The following AKT2 variants were observed in gnomAD, a reference collection of about 807,000 sequenced individuals.
AKT2 encodes the protein RAC-beta serine/threonine-protein kinase.
A neutral mutation model predicts 58.6 loss-of-function variants in AKT2; 16 were observed. That is an observed-to-expected ratio of 0.27 (90% confidence interval 0.18 to 0.41). AKT2 has a LOEUF of 0.41. AKT2 is among the 10% of genes least tolerant of loss of function. AKT2 has a pLI of 1.00. For synonymous variants in AKT2, 253 were observed against 254.0 expected (o/e 1.00, Z 0.04); for missense variants, 438 against 661.0 (o/e 0.66, Z 3.70).
Position 40,233,590 on chromosome 19 carries a change from G to A in AKT2, c.*282C>T. ...TGCTTCACCCCTCACTGGGGCTTGT[G>A]TGGATTAAAACCTGAATCTCCAACC... is the stretch of plus-strand genomic sequence containing the variant. On this transcript the variant is annotated 3_prime_UTR_variant, in exon 14 of 14. Coordinates refer to ENST00000392038, the MANE Select transcript of AKT2 (RefSeq NM_001626.6). The surrounding 1 kb of genome is among the most constrained non-coding windows in gnomAD (Gnocchi z 4.3). 1.4e-6 allele frequency: 1 copy of A among 715,018 alleles called. No homozygotes were observed. The highest frequency in any genetic ancestry group is 2.6e-6 in the Non-Finnish European group (1 of 384,908). 44.3% of individuals were successfully genotyped at this position (715,018 alleles called of 1,614,324 possible).
At chr19:40,269,651 A>G (rs1326896013) in intron 1 of AKT2, 1 of 152,254 alleles carries the variant, frequency 6.6e-6, no homozygotes, top group Non-Finnish European at 1.5e-5. Flanking sequence ...TGTTGACAGC[A>G]GCAATATTCA....
At chr19:40,253,260 G>A (rs568743171) in intron 4 of AKT2, among the ~76,000 whole-genome samples, 39 of 152,320 alleles carry the variant, frequency 2.6e-4, no homozygotes, top group South Asian at 1.0e-3. Flanking sequence ...TTTCTTGGAC[G>A]GCATGATTTT....
In AKT2 at chr19:40,232,403, GA is replaced by G. The variant is rs1225225221; in HGVS notation, c.*1468del. 1.7e-5 allele frequency: 4 copies of G among 233,648 alleles called. No individual in the cohort carries two copies. Among genetic ancestry groups the G allele is most frequent in the Non-Finnish European group, 2.5e-5 (3 of 118,180 alleles). The allele number at this position is 233,648 out of a possible 1,614,324, so 14.5% of individuals were successfully genotyped here. A position where few individuals can be genotyped will look rare whatever the true frequency, so the allele number is the denominator to read the frequency against. On this transcript the variant is annotated 3_prime_UTR_variant, in exon 14 of 14. Transcript: ENST00000392038. ...ACGAGGAGAAAGGCCAGTAGGGACG[GA>G]GAACTGTCAGATAACAACATCGCAC...
rs1309094134 is a variant in AKT2, at chr19:40,237,767, G to A, written c.831+202C>T. 1 of 720,522 alleles carries A rather than the reference G, an allele frequency of 1.4e-6. No homozygotes were observed. Among genetic ancestry groups the A allele is most frequent in the Non-Finnish European group, 2.2e-6 (1 of 444,962 alleles). The allele number at this position is 720,522 out of a possible 1,614,324, so 44.6% of individuals were successfully genotyped here. ...AACTTGCCACAGAGCCACCACCCTGGACCTTGGTGGGGAGCCTGGTGAATG... is the reference window on the plus strand; with the variant it reads ...AACTTGCCACAGAGCCACCACCCTGAACCTTGGTGGGGAGCCTGGTGAATG... On this transcript the variant is annotated intron_variant, in intron 9 of 13. Coordinates refer to ENST00000392038, the MANE Select transcript of AKT2 (RefSeq NM_001626.6). This position sits in a 1 kb window ranked among gnomAD's most constrained non-coding sequence, Gnocchi z 4.5.
intron 2 of AKT2, among the ~76,000 whole-genome samples, chr19:40,258,245 G>GAAAAAAAAAAAAA (rs56202522): frequency 3.2e-4 from 13 of 41,076 alleles, no homozygotes; most frequent in Non-Finnish European, 4.4e-4. Context: ...ACTCCGTCTC[G>GAAAAAAAAAAAAA]AAAAAAAAAA....
rs1249697771 is a variant in AKT2 at position 40,237,637 on chromosome 19, T to TA, written c.831+331dup. 1 of 289,116 alleles carries TA rather than the reference T, an allele frequency of 3.5e-6. No homozygotes were observed. The highest frequency in any genetic ancestry group is 6.8e-6 in the Non-Finnish European group (1 of 146,096). The allele number at this position is 289,116 out of a possible 1,614,324, so 17.9% of individuals were successfully genotyped here. ...TCAACAGAGTAAGACTCCTCAAAAA[T>TA]AAATAAATAAATAAATACAAATAAA... is the stretch of plus-strand genomic sequence containing the variant. On this transcript the variant is annotated intron_variant, in intron 9 of 13. Coordinates refer to ENST00000392038, the MANE Select transcript of AKT2 (RefSeq NM_001626.6). This position sits in a 1 kb window ranked among gnomAD's most constrained non-coding sequence, Gnocchi z 4.5.
intron 2 of AKT2, among the ~76,000 whole-genome samples, chr19:40,258,083 C>T (rs563712588): frequency 1.3e-5 from 2 of 151,640 alleles, no homozygotes; most frequent in African/African-American, 4.8e-5. Context: ...CCCATCTCTA[C>T]TAAAAATACA....
In AKT2 at chr19:40,242,359, C is replaced by A; in HGVS notation, c.441+175G>T. ...CCACCCAAGGTTGCTCCCTCCCCTA[C>A]GGGCATGGAGCACACCCTAGGGCAC... On this transcript the variant is annotated intron_variant, in intron 5 of 13. Coordinates refer to ENST00000392038, the MANE Select transcript of AKT2 (RefSeq NM_001626.6). The surrounding 1 kb of genome is among the most constrained non-coding windows in gnomAD (Gnocchi z 4.3). 1 of 1,071,920 alleles carries A rather than the reference C, an allele frequency of 9.3e-7. No homozygotes were observed. The allele number at this position is 1,071,920 out of a possible 1,614,324, so 66.4% of individuals were successfully genotyped here.
chr19:40,260,938 G>A (rs998649249), intron 2 of AKT2, among the ~76,000 whole-genome samples: 1 of 152,208 alleles, frequency 6.6e-6, no homozygotes, highest in Non-Finnish European at 1.5e-5. Context: ...CTGGGCGATA[G>A]CCCAAGACCC....
intron 4 of AKT2, among the ~76,000 whole-genome samples, chr19:40,246,704 A>G (rs1479677627): frequency 1.3e-5 from 2 of 152,194 alleles, no homozygotes; most frequent in South Asian, 2.1e-4. Context: ...CTCTGTGGAG[A>G]GAACCCAAAT....
intron 4 of AKT2, among the ~76,000 whole-genome samples, chr19:40,244,841 C>G (rs1390645365): frequency 6.6e-6 from 1 of 152,250 alleles, no homozygotes; most frequent in East Asian, 1.9e-4. Context: ...ACAAGTGTGG[C>G]TGGGACTGGG....
intron 4 of AKT2, chr19:40,244,226 T>A (rs1310111019): frequency 6.6e-6 from 1 of 151,914 alleles, no homozygotes; most frequent in Non-Finnish European, 1.5e-5. Context: ...GACGATGGCT[T>A]GCATCCGGAA....
intron 1 of AKT2, chr19:40,283,185 C>T (rs2077454332): frequency 6.6e-6 from 1 of 152,470 alleles, no homozygotes; most frequent in African/African-American, 2.4e-5. Flanking sequence ...GTTTTCTCAT[C>T]TAAAAGGGAG....
chr19:40,253,284 G>A (rs1009895018), intron 4 of AKT2, among the ~76,000 whole-genome samples: 1 of 152,150 alleles, frequency 6.6e-6, no homozygotes, highest in Non-Finnish European at 1.5e-5. Context: ...GCTCTCTAGA[G>A]GGTCTGCTGA....
chr19:40,242,786 G>T lies in AKT2; in HGVS notation c.288-99C>A. The T allele has an allele frequency of 7.5e-7, 1 of 1,328,334 alleles. No individual in the cohort carries two copies. Among genetic ancestry groups the T allele is most frequent in the South Asian group, 1.2e-5 (1 of 81,810 alleles). 82.3% of individuals were successfully genotyped at this position (1,328,334 alleles called of 1,614,324 possible). A position where few individuals can be genotyped will look rare whatever the true frequency, so the allele number is the denominator to read the frequency against. ...CCCAGCCACCCCCAGCAACAGGCAA[G>T]CAAATGACCACATAACCATGGGAAT... On this transcript the variant is annotated intron_variant, in intron 4 of 13. Transcript: ENST00000392038. This position sits in a 1 kb window ranked among gnomAD's most constrained non-coding sequence, Gnocchi z 4.3.
intron 3 of AKT2, 172 bp from the exon 4 acceptor site, chr19:40,255,441 G>A: frequency 1.8e-6 from 1 of 570,140 alleles, no homozygotes; most frequent in Non-Finnish European, 3.2e-6. Flanking sequence ...AGGGTCTAGT[G>A]TGTGTGTGTG....
rs559055249 is a variant in AKT2, at chr19:40,245,191, T to C, written c.288-2504A>G. Among the ~76,000 whole-genome samples the C allele has an allele frequency of 7.9e-5, 12 of 152,106 alleles. No homozygotes were observed. The South Asian group carries it at 8.3e-4, about 11-fold the overall frequency. Reference sequence around the variant, plus strand: ...AGACATTCTGCAGCTGGGGGAAAGATTGAGGCAGGTCTGTATGCTGACTTG... The same window carrying C: ...AGACATTCTGCAGCTGGGGGAAAGACTGAGGCAGGTCTGTATGCTGACTTG... On this transcript the variant is annotated intron_variant, in intron 4 of 13. Coordinates refer to ENST00000392038, the MANE Select transcript of AKT2 (RefSeq NM_001626.6).
In AKT2 at chr19:40,242,354, C is replaced by A; in HGVS notation, c.441+180G>T. 9.5e-7 allele frequency: 1 copy of A among 1,052,880 alleles called. No homozygotes were observed. The highest frequency in any genetic ancestry group is 1.4e-6 in the Non-Finnish European group (1 of 700,964). 65.2% of individuals were successfully genotyped at this position (1,052,880 alleles called of 1,614,324 possible). On this transcript the variant is annotated intron_variant, in intron 5 of 13. Transcript: ENST00000392038. This position sits in a 1 kb window ranked among gnomAD's most constrained non-coding sequence, Gnocchi z 4.3. The stretch of plus-strand genomic sequence containing the variant: ...TGGGTCCACCCAAGGTTGCTCCCTC[C>A]CCTACGGGCATGGAGCACACCCTAG...
At chr19:40,246,556 T>C (rs943515825) in intron 4 of AKT2, among the ~76,000 whole-genome samples, 3 of 152,182 alleles carry the variant, frequency 2.0e-5, no homozygotes, top group Admixed American at 1.3e-4. Flanking sequence ...AGTGAAGATA[T>C]TAAAAAGGAA....
Sources: allele counts gnomAD v4.1 joint callset (sites outside exome capture counted in the v4.1 genomes callset), GRCh38; gene constraint gnomAD v4.1.1; non-coding constraint Gnocchi (gnomAD v3.1); transcripts MANE v1.5; gene names NCBI Gene and HGNC (gene_info 2026-07-23, HGNC 2026-07-21).